The following MEGF11 variants were observed in gnomAD, a reference collection of about 807,000 sequenced individuals.
MEGF11 encodes multiple epidermal growth factor-like domains protein 11.
A neutral mutation model predicts 146.6 loss-of-function variants in MEGF11; 126 were observed. The ratio of observed to expected loss-of-function variants is 0.86; its 90% CI spans 0.74 to 1.00. MEGF11 has a LOEUF of 1.00. Among genes scored for constraint, MEGF11 ranks in the 50% least tolerant of loss-of-function variants. The pLI is 0.00. For missense variants in MEGF11, 1,509 were observed against 1,521.2 expected (o/e 0.99, Z 0.13); for synonymous variants, 532 against 583.4 (o/e 0.91, Z 1.27).
chr15:66,231,623 G>A (rs1161516553), intron 1 of MEGF11, among the ~76,000 whole-genome samples: 5 of 152,014 alleles, frequency 3.3e-5, no homozygotes, highest in African/African-American at 4.8e-5. Flanking sequence ...TCAAACTCCC[G>A]CCCCTCCCTT....
intron 15 of MEGF11, among the ~76,000 whole-genome samples, chr15:65,920,008 C>G (rs932882504): frequency 6.6e-6 from 1 of 152,226 alleles, no homozygotes; most frequent in Non-Finnish European, 1.5e-5. Flanking sequence ...AGTTCACTTA[C>G]TCTTGGAATA....
intron 5 of MEGF11, among the ~76,000 whole-genome samples, chr15:66,024,932 G>A (rs1451699619): frequency 6.6e-6 from 1 of 152,170 alleles, no homozygotes; most frequent in Non-Finnish European, 1.5e-5. Context: ...AGTGGGAGCT[G>A]TGGTGTGTGT....
intron 1 of MEGF11, among the ~76,000 whole-genome samples, chr15:66,141,329 T>A (rs2089159871): frequency 7.1e-6 from 1 of 141,844 alleles, no homozygotes. Context: ...GCTCATCTCT[T>A]TGGATCAGAG....
At chr15:65,945,292 C>T (rs2080150706) in intron 10 of MEGF11, among the ~76,000 whole-genome samples, 1 of 152,198 alleles carries the variant, frequency 6.6e-6, no homozygotes, top group South Asian at 2.1e-4. Context: ...AGAACACGGG[C>T]CTGGAATGTG....
intron 1 of MEGF11, among the ~76,000 whole-genome samples, chr15:66,140,093 G>T (rs868267660): frequency 6.6e-6 from 1 of 152,160 alleles, no homozygotes; most frequent in Non-Finnish European, 1.5e-5. Context: ...CTCCTGAAAA[G>T]CAGCTTTTAG....
At chr15:66,066,732 T>A (rs1192786727) in intron 5 of MEGF11, among the ~76,000 whole-genome samples, 1 of 152,246 alleles carries the variant, frequency 6.6e-6, no homozygotes, top group Non-Finnish European at 1.5e-5. Context: ...GCCTGCCTCC[T>A]TAATGCACCT....
intron 1 of MEGF11, among the ~76,000 whole-genome samples, chr15:66,237,503 G>T (rs919796857): frequency 3.3e-5 from 5 of 152,200 alleles, no homozygotes; most frequent in African/African-American, 1.2e-4. Flanking sequence ...TAAGGGGTAA[G>T]AAATGCCAAG....
chr15:66,004,712 T>C (rs1447153379), intron 5 of MEGF11, among the ~76,000 whole-genome samples: 1 of 152,046 alleles, frequency 6.6e-6, no homozygotes, highest in African/African-American at 2.4e-5. Flanking sequence ...AGAGGCCAGA[T>C]AGGCACTCAA....
chr15:66,174,680 C>A (rs1046069470), intron 1 of MEGF11, among the ~76,000 whole-genome samples: 1 of 151,848 alleles, frequency 6.6e-6, no homozygotes, highest in Non-Finnish European at 1.5e-5. Flanking sequence ...CCAGCCCAGC[C>A]CCACCTGTGG....
chr15:65,977,506 G>A (rs2081493528), intron 7 of MEGF11, among the ~76,000 whole-genome samples: 2 of 143,730 alleles, frequency 1.4e-5, no homozygotes, highest in African/African-American at 5.2e-5. Context: ...TTGAGATGGA[G>A]TCTTGCTCTG....
At chr15:66,171,677 G>C (rs898566405) in intron 1 of MEGF11, among the ~76,000 whole-genome samples, 1 of 150,716 alleles carries the variant, frequency 6.6e-6, no homozygotes, top group East Asian at 2.0e-4. Context: ...CCCCAAAGCC[G>C]ATCTGCAAGA....
intron 1 of MEGF11, among the ~76,000 whole-genome samples, chr15:66,196,370 G>T (rs1173276943): frequency 6.6e-6 from 1 of 152,028 alleles, no homozygotes; most frequent in Non-Finnish European, 1.5e-5. Flanking sequence ...TACTCGAGAG[G>T]CTGAGGCAGG....
chr15:66,160,478 C>T (rs1398877805), intron 1 of MEGF11, among the ~76,000 whole-genome samples: 1 of 152,152 alleles, frequency 6.6e-6, no homozygotes. Flanking sequence ...GAAATAAATA[C>T]TCCCATTGGT....
At chr15:65,906,500 A>G in intron 23 of MEGF11, 1 of 214,418 alleles carries the variant, frequency 4.7e-6, no homozygotes, top group South Asian at 8.3e-5. Context: ...GTGAAACTCC[A>G]GGCTCCAAGG....
chr15:66,146,696 G>A lies in MEGF11; in HGVS notation c.-8-18285C>T, dbSNP rs575154549. 3.9e-5 allele frequency among the ~76,000 whole-genome samples: 6 copies of A among 152,364 alleles called. No individual in the cohort carries two copies. The South Asian group carries it at 8.3e-4, about 21-fold the overall frequency. On this transcript the variant is annotated intron_variant, in intron 1 of 25. Coordinates refer to ENST00000395614, the MANE Select transcript of MEGF11 (RefSeq NM_001385028.1). ...TGTCTAAGGACTCTCTCTCAATTCT[G>A]TCCCGATCTCACTGTGGACAGCGGC...
intron 5 of MEGF11, among the ~76,000 whole-genome samples, chr15:66,041,884 A>G (rs1217895132): frequency 6.6e-6 from 1 of 152,166 alleles, no homozygotes; most frequent in Non-Finnish European, 1.5e-5. Flanking sequence ...ACAGCAAGGA[A>G]GTGGCAGAGC....
intron 5 of MEGF11, among the ~76,000 whole-genome samples, chr15:66,050,567 C>T (rs1396600909): frequency 1.3e-5 from 2 of 152,216 alleles, no homozygotes; most frequent in Non-Finnish European, 2.9e-5. Flanking sequence ...GGGCCTTAGA[C>T]ACCCACATGG....
At chr15:66,213,722 T>C (rs184651940) in intron 1 of MEGF11, among the ~76,000 whole-genome samples, 2 of 152,016 alleles carry the variant, frequency 1.3e-5, no homozygotes, top group East Asian at 3.9e-4. Context: ...CAGCCTTAAA[T>C]TGTTTATTTT....
intron 21 of MEGF11, among the ~76,000 whole-genome samples, chr15:65,911,692 T>A (rs149885414): frequency 1.3e-5 from 2 of 152,340 alleles, no homozygotes; most frequent in East Asian, 3.9e-4. Context: ...ATTACAGGCG[T>A]GAGCCACTGT....
Sources: allele counts gnomAD v4.1 joint callset (sites outside exome capture counted in the v4.1 genomes callset), GRCh38; gene constraint gnomAD v4.1.1; transcripts MANE v1.5; gene names NCBI Gene and HGNC (gene_info 2026-07-23, HGNC 2026-07-21).